Variants in PCDHA3 observed in about 807,000 individuals in gnomAD.
The protein encoded by PCDHA3 is protocadherin alpha-3.
Under a neutral mutation model 62.2 loss-of-function variants are expected in PCDHA3, and 41 were observed. The observed-to-expected ratio is 0.66, with a 90% CI of 0.51 to 0.86. PCDHA3 has a LOEUF of 0.86. Ranked by LOEUF, PCDHA3 falls within the 40% of genes least tolerant of loss-of-function variation. The pLI, the probability that PCDHA3 is intolerant of heterozygous loss-of-function variation, is 0.00. For synonymous variants in PCDHA3, 640 were observed against 555.4 expected, an observed-to-expected ratio of 1.15 and a Z score of -2.14; for missense variants, 1,304 against 1,241.2, an observed-to-expected ratio of 1.05 and a Z score of -0.76.
At chr5:140,926,611 A>G in intron 1 of PCDHA3, 1 of 348,974 alleles carries the variant, frequency 2.9e-6, no homozygotes, top group Non-Finnish European at 5.1e-6. Context: ...TCGTCTCTGC[A>G]CCCCTAGGCG....
Position 140,848,663 on chromosome 5 carries a change from G to A in PCDHA3, c.2394+45072G>A, listed in dbSNP as rs2150416390. ...TCGCGCAGGACCTGGGGCTGGAGCT[G>A]GCGGAGCTGGTGCCGCGCCTGTTCC... On this transcript the variant is annotated intron_variant, in intron 1 of 3. Transcript: ENST00000522353. 3.8e-6 allele frequency: 6 copies of A among 1,592,360 alleles called. No homozygotes were observed. In the Admixed American group the frequency reaches 5.1e-5, roughly 13 times the overall value.
rs370096540 is a variant in PCDHA3 at position 140,802,519 on chromosome 5, T to A, written c.1322T>A (p.Val441Glu). ...GSPSLWATAS[V>E]SVEVADVNDN... is the part of the protein sequence containing the mutation. ...CCTTCACTGTGGGCCACGGCCAGCG[T>A]GTCCGTGGAGGTGGCCGACGTGAAC... The change falls in exon 1 of 4, where the codon GTG (valine) becomes GAG (glutamate). Residue 441 changes from valine (V) to glutamate (E), a missense_variant. Val to Glu is a moderately radical substitution (Grantham distance 121). Coordinates refer to ENST00000522353, the MANE Select transcript of PCDHA3 (RefSeq NM_018906.3). 9 of 1,614,040 alleles carry A rather than the reference T, an allele frequency of 5.6e-6. No homozygotes were observed. The highest frequency in any genetic ancestry group is 1.7e-5 in the Admixed American group (1 of 60,000).
chr5:140,906,889 G>T (rs1397235059), intron 1 of PCDHA3, among the ~76,000 whole-genome samples: 1 of 152,172 alleles, frequency 6.6e-6, no homozygotes, highest in Non-Finnish European at 1.5e-5. Flanking sequence ...TTCCTTCTTA[G>T]ATTGTTGGTT....
At position 140,852,208 on chromosome 5, in the gene PCDHA3, C is replaced by G. The variant is rs536842960; in HGVS notation, c.2394+48617C>G. On this transcript the variant is annotated intron_variant, in intron 1 of 3. Transcript: ENST00000522353. ...AAATGCCAGTAACGTTTATTTAAAA[C>G]AAAATATTTTAATTTTTAAATTTTC... 9.1e-6 allele frequency: 6 copies of G among 657,544 alleles called. No homozygotes were observed. In the African/African-American group the frequency reaches 1.2e-4, roughly 13 times the overall value. The allele number at this position is 657,544 out of a possible 1,614,324, so 40.7% of individuals were successfully genotyped here. A position where few individuals can be genotyped will look rare whatever the true frequency, so the allele number is the denominator to read the frequency against.
chr5:140,955,036 T>C (rs2095128891), intron 1 of PCDHA3, among the ~76,000 whole-genome samples: 1 of 152,210 alleles, frequency 6.6e-6, no homozygotes, highest in Non-Finnish European at 1.5e-5. Context: ...AGGGAATCTT[T>C]TCCTCATTGC....
At chr5:140,968,624 C>CT in intron 1 of PCDHA3, 3 of 1,614,176 alleles carry the variant, frequency 1.9e-6, no homozygotes, top group East Asian at 2.2e-5. Context: ...AAATGCTTGG[C>CT]TTTTTTACCA....
intron 1 of PCDHA3, among the ~76,000 whole-genome samples, chr5:140,955,262 CT>C (rs1165777806): frequency 3.9e-5 from 6 of 152,044 alleles, no homozygotes; most frequent in African/African-American, 1.4e-4. Flanking sequence ...TATAAAGGCT[CT>C]TTTTTGGTTC....
intron 1 of PCDHA3, among the ~76,000 whole-genome samples, chr5:140,913,101 T>C (rs1352707377): frequency 5.9e-5 from 9 of 152,200 alleles, no homozygotes; most frequent in Non-Finnish European, 1.0e-4. Flanking sequence ...ACTGGCCTCA[T>C]AGAATCAGTT....
intron 1 of PCDHA3, chr5:140,843,163 T>A (rs2150354219): frequency 1.9e-6 from 3 of 1,596,072 alleles, no homozygotes; most frequent in Non-Finnish European, 2.6e-6. Context: ...TGCAGCCAGC[T>A]GCAAGCAGCC....
At chr5:140,897,252 A>G (rs1179343621) in intron 1 of PCDHA3, among the ~76,000 whole-genome samples, 3 of 152,018 alleles carry the variant, frequency 2.0e-5, no homozygotes, top group East Asian at 3.9e-4. Flanking sequence ...TTACATATGT[A>G]TACATGTGCC....
At chr5:140,839,582 G>T (rs965029185) in intron 1 of PCDHA3, among the ~76,000 whole-genome samples, 1 of 151,908 alleles carries the variant, frequency 6.6e-6, no homozygotes, top group Non-Finnish European at 1.5e-5. Context: ...TAGAGATGGG[G>T]TCTTACCATG....
intron 3 of PCDHA3, among the ~76,000 whole-genome samples, chr5:140,990,256 A>G (rs2153888367): frequency 6.6e-6 from 1 of 152,332 alleles, no homozygotes; most frequent in Middle Eastern, 3.4e-3. Flanking sequence ...TCTGCTGGAT[A>G]CCAAACAATG....
At chr5:141,003,510 A>C (rs1468305070) in intron 3 of PCDHA3, among the ~76,000 whole-genome samples, 1 of 152,070 alleles carries the variant, frequency 6.6e-6, no homozygotes, top group African/African-American at 2.4e-5. Context: ...ATGGGGTTTC[A>C]CCATGTTCCC....
intron 1 of PCDHA3, chr5:140,841,169 T>G (rs1426185957): frequency 4.1e-6 from 4 of 972,304 alleles, no homozygotes; most frequent in Non-Finnish European, 6.0e-6. Context: ...GAAGTTCTGG[T>G]TGGTCAATGT....
intron 1 of PCDHA3, chr5:140,877,084 C>G: frequency 6.2e-7 from 1 of 1,613,176 alleles, no homozygotes; most frequent in Non-Finnish European, 8.5e-7. Flanking sequence ...GGTGAGCGCG[C>G]GCGACGCCGG....
At chr5:140,863,261 A>G (rs782771328) in intron 1 of PCDHA3, 17 of 1,449,886 alleles carry the variant, frequency 1.2e-5, no homozygotes, top group Non-Finnish European at 1.4e-5. Context: ...GAGGTCCGGG[A>G]GGCAGCGCTG....
intron 3 of PCDHA3, among the ~76,000 whole-genome samples, chr5:140,984,759 T>C (rs2097119018): frequency 6.6e-6 from 1 of 152,184 alleles, no homozygotes; most frequent in Non-Finnish European, 1.5e-5. Context: ...AGTTGAATTC[T>C]AATCCCAAGC....
At chr5:140,927,889 G>A in intron 1 of PCDHA3, 3 of 1,614,226 alleles carry the variant, frequency 1.9e-6, no homozygotes, top group Non-Finnish European at 2.5e-6. Flanking sequence ...GGTGACTGAC[G>A]TGAACGATCA....
In PCDHA3 at chr5:140,833,781, T is replaced by C. The variant is rs143295216; in HGVS notation, c.2394+30190T>C. Among the ~76,000 whole-genome samples the C allele has an allele frequency of 2.8e-3, 433 of 152,262 alleles. 2 individuals carry two copies. The highest frequency in any genetic ancestry group is 0.01 in the African/African-American group (417 of 41,552). On this transcript the variant is annotated intron_variant, in intron 1 of 3. Transcript: ENST00000522353. ...ACACACACACACCGCTTTCTAAGTT[T>C]CTCTTTCATCAATCAGTAGATTCTT...
Sources: allele counts gnomAD v4.1 joint callset (sites outside exome capture counted in the v4.1 genomes callset), GRCh38; gene constraint gnomAD v4.1.1; transcripts MANE v1.5; gene names NCBI Gene and HGNC (gene_info 2026-07-23, HGNC 2026-07-21).